Variants in SEMA3D observed in about 807,000 individuals in gnomAD.
SEMA3D encodes semaphorin-3D.
A neutral mutation model predicts 100.1 loss-of-function variants in SEMA3D; 84 were observed. The observed-to-expected ratio is 0.84, with a 90% CI of 0.70 to 1.01. The LOEUF (loss-of-function observed/expected upper bound fraction) is 1.01, where lower values mean the gene tolerates loss of function less well. SEMA3D is among the 50% of genes least tolerant of loss of function. The pLI, the probability that SEMA3D is intolerant of heterozygous loss-of-function variation, is 0.00. For missense variants in SEMA3D, 875 were observed against 934.1 expected (o/e 0.94, Z 0.82); for synonymous variants, 312 against 320.7 (o/e 0.97, Z 0.29).
Position 85,178,923 on chromosome 7 carries a change from A to G in SEMA3D, c.-173+7755T>C, listed in dbSNP as rs545526107. ...TCCAGGTGCTCCAGCCGTGGCTAAAAGGGGCCAAGTTACAGCTCAGGCCAT... is the reference window on the plus strand; with the variant it reads ...TCCAGGTGCTCCAGCCGTGGCTAAAGGGGGCCAAGTTACAGCTCAGGCCAT... On this transcript the variant is annotated intron_variant, in intron 1 of 18. Coordinates refer to ENST00000284136, the MANE Select transcript of SEMA3D (RefSeq NM_001384900.1). Among the ~76,000 whole-genome samples the G allele has an allele frequency of 1.3e-3, 198 of 152,274 alleles. 1 individual carries two copies. The highest frequency in any genetic ancestry group is 8.3e-3 in the South Asian group (40 of 4,816).
At position 85,159,740 on chromosome 7, in the gene SEMA3D, A is replaced by C. The variant is rs920221522; in HGVS notation, c.-172-6001T>G. The C allele has an allele frequency of 9.7e-6, 6 of 620,138 alleles. No individual in the cohort carries two copies. In the African/African-American group the frequency reaches 1.2e-4, roughly 12 times the overall value. 38.4% of individuals were successfully genotyped at this position (620,138 alleles called of 1,614,324 possible). ...CCACTCCAGTTATGGGTGAGAACACAGTGACAGAATGTAAATGATTTGATG... is the reference window on the plus strand; with the variant it reads ...CCACTCCAGTTATGGGTGAGAACACCGTGACAGAATGTAAATGATTTGATG... On this transcript the variant is annotated intron_variant, in intron 1 of 18. Transcript: ENST00000284136.
At chr7:85,034,241 T>C (rs1790628620) in intron 12 of SEMA3D, among the ~76,000 whole-genome samples, 1 of 152,102 alleles carries the variant, frequency 6.6e-6, no homozygotes, top group Non-Finnish European at 1.5e-5. Flanking sequence ...ATATTACTAT[T>C]AAAATATAAG....
rs975580303 is a variant in SEMA3D, at chr7:84,996,938, G to GA, written c.*2501dup. 2 of 151,202 alleles carry GA rather than the reference G, an allele frequency of 1.3e-5. No homozygotes were observed. The highest frequency in any genetic ancestry group is 2.4e-5 in the African/African-American group (1 of 41,270). 9.4% of individuals were successfully genotyped at this position (151,202 alleles called of 1,614,324 possible). A position where few individuals can be genotyped will look rare whatever the true frequency, so the allele number is the denominator to read the frequency against. Reference sequence around the variant, plus strand: ...ATGTTCTAGACAACTAAAAAGCTAAGAAAAAAACACATTTTAGATATTCTT... The same window carrying GA: ...ATGTTCTAGACAACTAAAAAGCTAAGAAAAAAAACACATTTTAGATATTCTT... On this transcript the variant is annotated 3_prime_UTR_variant, in exon 19 of 19. Coordinates refer to ENST00000284136, the MANE Select transcript of SEMA3D (RefSeq NM_001384900.1).
chr7:85,160,304 T>C (rs1263185571), intron 1 of SEMA3D, among the ~76,000 whole-genome samples: 1 of 151,728 alleles, frequency 6.6e-6, no homozygotes, highest in African/African-American at 2.4e-5. Flanking sequence ...CATGAAAGTA[T>C]AGGACTGGGA....
intron 13 of SEMA3D, among the ~76,000 whole-genome samples, chr7:85,021,785 T>C (rs1790263814): frequency 6.6e-6 from 1 of 151,896 alleles, no homozygotes; most frequent in South Asian, 2.1e-4. Context: ...CTAATACTTT[T>C]ACTTTTTTTG....
chr7:85,150,415 TAC>T (rs942751164), intron 2 of SEMA3D, among the ~76,000 whole-genome samples: 66 of 132,836 alleles, frequency 5.0e-4, no homozygotes, highest in East Asian at 4.8e-3. Context: ...TATATATATA[TAC>T]ACACACACAC....
chr7:85,116,350 ATATAT>A (rs898308176), intron 3 of SEMA3D, among the ~76,000 whole-genome samples: 2 of 146,288 alleles, frequency 1.4e-5, no homozygotes, highest in Admixed American at 6.9e-5. Context: ...ATGTATATTT[ATATAT>A]TATAATATAT....
At chr7:85,209,611 A>C in the SEMA3D span, among the ~76,000 whole-genome samples, 1 of 152,144 alleles carries the variant, frequency 6.6e-6, no homozygotes, top group African/African-American at 2.4e-5. Flanking sequence ...TTATCCTCTG[A>C]TTCCTCTGTT....
At chr7:85,111,356 C>T (rs1789087537) in intron 3 of SEMA3D, among the ~76,000 whole-genome samples, 1 of 151,972 alleles carries the variant, frequency 6.6e-6, no homozygotes, top group Admixed American at 6.6e-5. Flanking sequence ...AAAATATGTC[C>T]ACTTGATCTT....
At chr7:85,177,200 A>C (rs1319025725) in intron 1 of SEMA3D, among the ~76,000 whole-genome samples, 1 of 152,178 alleles carries the variant, frequency 6.6e-6, no homozygotes, top group Non-Finnish European at 1.5e-5. Context: ...ATAGATATGC[A>C]TATATATGTG....
intron 12 of SEMA3D, among the ~76,000 whole-genome samples, chr7:85,033,795 C>T (rs1790612262): frequency 1.3e-5 from 2 of 151,208 alleles, no homozygotes; most frequent in African/African-American, 4.9e-5. Context: ...TATTTAACCC[C>T]AAAGTATTAA....
intron 1 of SEMA3D, among the ~76,000 whole-genome samples, chr7:85,176,686 C>G (rs1178546925): frequency 6.6e-6 from 1 of 151,078 alleles, no homozygotes; most frequent in Non-Finnish European, 1.5e-5. Context: ...CACTAAAACT[C>G]AATTAAAAAA....
At chr7:85,229,054 T>C in the SEMA3D span, among the ~76,000 whole-genome samples, 2 of 152,158 alleles carry the variant, frequency 1.3e-5, no homozygotes, top group East Asian at 3.9e-4. Flanking sequence ...CCTCAGTTTA[T>C]CACCTTGTCT....
chr7:85,056,872 T>C (rs1479955041), intron 8 of SEMA3D, among the ~76,000 whole-genome samples: 1 of 132,506 alleles, frequency 7.5e-6, no homozygotes, highest in Non-Finnish European at 1.6e-5. Context: ...CTGAAATTTA[T>C]ATAGCATACA....
chr7:85,069,012 G>A (rs1232120312), intron 6 of SEMA3D, among the ~76,000 whole-genome samples: 1 of 152,048 alleles, frequency 6.6e-6, no homozygotes, highest in African/African-American at 2.4e-5. Context: ...GAAAAAATAT[G>A]AATGTATAAT....
At chr7:85,039,340 C>G (rs1790790125) in intron 11 of SEMA3D, among the ~76,000 whole-genome samples, 1 of 152,132 alleles carries the variant, frequency 6.6e-6, no homozygotes, top group African/African-American at 2.4e-5. Flanking sequence ...AACCTGCAAC[C>G]TCCGCCTTTC....
chr7:85,062,221 T>C (rs1036560006), intron 8 of SEMA3D, among the ~76,000 whole-genome samples: 2 of 152,192 alleles, frequency 1.3e-5, no homozygotes, highest in African/African-American at 4.8e-5. Flanking sequence ...AGTAATTCTC[T>C]CAGGTTTATA....
At chr7:85,174,242 C>A (rs1791163477) in intron 1 of SEMA3D, among the ~76,000 whole-genome samples, 1 of 152,108 alleles carries the variant, frequency 6.6e-6, no homozygotes, top group South Asian at 2.1e-4. Context: ...ATAAAGAATT[C>A]TTCTAAAATT....
intron 1 of SEMA3D, among the ~76,000 whole-genome samples, chr7:85,158,868 G>T (rs1251430330): frequency 6.6e-6 from 1 of 152,086 alleles, no homozygotes; most frequent in African/African-American, 2.4e-5. Context: ...TATCAGAGGT[G>T]AATTTCACCT....
Sources: allele counts gnomAD v4.1 joint callset (sites outside exome capture counted in the v4.1 genomes callset), GRCh38; gene constraint gnomAD v4.1.1; transcripts MANE v1.5; gene names NCBI Gene and HGNC (gene_info 2026-07-23, HGNC 2026-07-21).